Variants in CAMK2B observed in about 807,000 individuals in gnomAD.
CAMK2B encodes the protein calcium/calmodulin-dependent protein kinase type II subunit beta.
In CAMK2B, 27 loss-of-function variants were observed where a neutral mutation model predicts 93.7. That is an observed-to-expected ratio of 0.29 (90% CI 0.21 to 0.40). CAMK2B has a LOEUF of 0.40. CAMK2B is among the 10% of genes least tolerant of loss of function. The probability of loss-of-function intolerance (pLI) is 1.00; values close to 1 mark genes in which losing one functional copy is unlikely to be tolerated. For missense variants in CAMK2B, 568 were observed against 895.8 expected (o/e 0.63, Z 4.67); for synonymous variants, 374 against 358.8 (o/e 1.04, Z -0.48).
intron 1 of CAMK2B, among the ~76,000 whole-genome samples, chr7:44,306,899 AGACGGTGTGAGCAGGGG>A (rs1791806439): frequency 3.0e-5 from 2 of 67,468 alleles, no homozygotes; most frequent in South Asian, 6.2e-4. Flanking sequence ...GTGAGCAGGA[AGACGGTGTGAGCAGGGG>A]GAAGAGGGTG....
intron 2 of CAMK2B, among the ~76,000 whole-genome samples, chr7:44,281,856 C>T (rs2097104804): frequency 1.3e-5 from 2 of 152,278 alleles, no homozygotes; most frequent in South Asian, 2.1e-4. Context: ...CCACTGCTCT[C>T]CCGGCCAGGG....
chr7:44,274,299 A>G (rs1446464304), intron 2 of CAMK2B, among the ~76,000 whole-genome samples: 1 of 152,182 alleles, frequency 6.6e-6, no homozygotes, highest in African/African-American at 2.4e-5. Flanking sequence ...CTGGGGACAG[A>G]GGACCGTGGC....
At chr7:44,232,982 G>A in intron 15 of CAMK2B, 116 bp from the exon 16 acceptor site, 1 of 907,412 alleles carries the variant, frequency 1.1e-6, no homozygotes, top group Admixed American at 2.0e-5. Context: ...GCCAGAGCCT[G>A]CGAGAAAGAA....
At chr7:44,231,795 G>A (rs965923242) in intron 16 of CAMK2B, among the ~76,000 whole-genome samples, 12 of 152,204 alleles carry the variant, frequency 7.9e-5, no homozygotes, top group African/African-American at 2.9e-4. Flanking sequence ...CAGGGCTGCT[G>A]CCCTTCAAAA....
intron 1 of CAMK2B, among the ~76,000 whole-genome samples, chr7:44,309,116 C>T (rs1164361247): frequency 1.3e-5 from 2 of 152,236 alleles, no homozygotes; most frequent in African/African-American, 4.8e-5. Flanking sequence ...ACCACTGCGA[C>T]TGTGCTGTGC....
At position 44,288,961 on chromosome 7, in the gene CAMK2B, G is replaced by C. The variant is rs372434081; in HGVS notation, c.66-4736C>G. 2.6e-5 allele frequency among the ~76,000 whole-genome samples: 4 copies of C among 152,238 alleles called. No individual in the cohort carries two copies. In the East Asian group the frequency reaches 7.7e-4, roughly 29 times the overall value. On this transcript the variant is annotated intron_variant, in intron 1 of 23. Transcript: ENST00000395749. ...TTTCACAGGCATCCTGTGGGCTCTC[G>C]GGGCTTCACAGGCAGAGGCAGCAGG...
rs1204105571 is a variant in CAMK2B, at chr7:44,225,087, C to T, written c.1597+1429G>A. ...CTGGAAGGGCAGGTCTGTGCTGTGG[C>T]CCCTGAAGGTGAGCCTGGACACCGA... On this transcript the variant is annotated intron_variant, in intron 20 of 23. Transcript: ENST00000395749. The surrounding 1 kb of genome is among the most constrained non-coding windows in gnomAD (Gnocchi z 5.0). 6.6e-6 allele frequency among the ~76,000 whole-genome samples: 1 copy of T among 152,022 alleles called. No individual in the cohort carries two copies. The highest frequency in any genetic ancestry group is 1.5e-5 in the Non-Finnish European group (1 of 67,970).
intron 20 of CAMK2B, among the ~76,000 whole-genome samples, chr7:44,223,068 T>G (rs117650427): frequency 6.6e-6 from 1 of 152,322 alleles, no homozygotes; most frequent in East Asian, 1.9e-4. Flanking sequence ...TTCATGTGCA[T>G]GTATGGAAAC....
At chr7:44,222,740 A>G (rs969770877) in intron 20 of CAMK2B, among the ~76,000 whole-genome samples, 1 of 152,154 alleles carries the variant, frequency 6.6e-6, no homozygotes, top group Non-Finnish European at 1.5e-5. Flanking sequence ...CACTGTGCCC[A>G]GCCAGAAGAG....
At chr7:44,263,349 G>C (rs1013284502) in intron 2 of CAMK2B, among the ~76,000 whole-genome samples, 20 of 152,234 alleles carry the variant, frequency 1.3e-4, no homozygotes, top group Non-Finnish European at 2.9e-4. Context: ...CTAAGTCAGC[G>C]GTGCACTGAT....
At position 44,225,734 on chromosome 7, in the gene CAMK2B, CAGA is replaced by C; in HGVS notation, c.1597+779_1597+781del. On this transcript the variant is annotated intron_variant, in intron 20 of 23. Transcript: ENST00000395749. The surrounding 1 kb of genome is among the most constrained non-coding windows in gnomAD (Gnocchi z 5.0). ...AGCCTGCAGAGGGGACGGTGGCAAG[CAGA>C]CCCCACCTGTCCCTCAAGTACTTAC... 1 of 1,289,328 alleles carries C rather than the reference CAGA, an allele frequency of 7.8e-7. No individual in the cohort carries two copies. Among genetic ancestry groups the C allele is most frequent in the Admixed American group, 2.3e-5 (1 of 43,558 alleles). 79.9% of individuals were successfully genotyped at this position (1,289,328 alleles called of 1,614,324 possible). A position where few individuals can be genotyped will look rare whatever the true frequency, so the allele number is the denominator to read the frequency against.
intron 4 of CAMK2B, among the ~76,000 whole-genome samples, chr7:44,258,136 G>C (rs546108756): frequency 6.6e-6 from 1 of 152,246 alleles, no homozygotes; most frequent in African/African-American, 2.4e-5. Flanking sequence ...TTCTAAATCC[G>C]GCAGGAAGTG....
intron 1 of CAMK2B, among the ~76,000 whole-genome samples, chr7:44,288,930 T>C (rs1785925797): frequency 6.6e-6 from 1 of 152,024 alleles, no homozygotes; most frequent in Admixed American, 6.5e-5. Flanking sequence ...CCCAGGGCAG[T>C]CGGTGTTTCA....
At chr7:44,308,280 G>C (rs1027275154) in intron 1 of CAMK2B, among the ~76,000 whole-genome samples, 1 of 152,200 alleles carries the variant, frequency 6.6e-6, no homozygotes, top group Non-Finnish European at 1.5e-5. Flanking sequence ...AAATTCCAGG[G>C]ACAAGCTGAG....
At chr7:44,277,774 G>A (rs1306004815) in intron 2 of CAMK2B, among the ~76,000 whole-genome samples, 1 of 150,626 alleles carries the variant, frequency 6.6e-6, no homozygotes, top group Non-Finnish European at 1.5e-5. Flanking sequence ...AGGGGGGAAG[G>A]CCATTGCTCT....
intron 1 of CAMK2B, among the ~76,000 whole-genome samples, chr7:44,307,233 G>GGAGGGTGTGAGCAGAGGGAA (rs1792098123): frequency 7.1e-6 from 1 of 141,522 alleles, no homozygotes; most frequent in African/African-American, 2.7e-5. Flanking sequence ...AGCAAGGGGA[G>GGAGGGTGTGAGCAGAGGGAA]GAGGGTGTGA....
At chr7:44,295,704 T>G (rs1175275223) in intron 1 of CAMK2B, among the ~76,000 whole-genome samples, 1 of 152,194 alleles carries the variant, frequency 6.6e-6, no homozygotes, top group East Asian at 1.9e-4. Context: ...AATATTCATT[T>G]TGAAATATGC....
chr7:44,306,727 G>A (rs979701424), intron 1 of CAMK2B, among the ~76,000 whole-genome samples: 3 of 151,360 alleles, frequency 2.0e-5, no homozygotes, highest in African/African-American at 7.3e-5. Context: ...AGCAGGAGGA[G>A]GGTGTGGGCA....
chr7:44,273,186 C>T (rs945550673), intron 2 of CAMK2B, among the ~76,000 whole-genome samples: 2 of 152,160 alleles, frequency 1.3e-5, no homozygotes, highest in African/African-American at 4.8e-5. Flanking sequence ...TCAAACCAGC[C>T]GAAACTGCCT....
Sources: allele counts gnomAD v4.1 joint callset (sites outside exome capture counted in the v4.1 genomes callset), GRCh38; gene constraint gnomAD v4.1.1; non-coding constraint Gnocchi (gnomAD v3.1); transcripts MANE v1.5; gene names NCBI Gene and HGNC (gene_info 2026-07-23, HGNC 2026-07-21).